Variants in LPP observed in about 807,000 individuals in gnomAD.
The protein encoded by LPP is LIM domain containing preferred translocation partner in lipoma, also known as lipoma-preferred partner.
In LPP, 38 loss-of-function variants were observed where a neutral mutation model predicts 60.4. That is an observed-to-expected ratio of 0.63 (90% CI 0.49 to 0.83). The LOEUF (loss-of-function observed/expected upper bound fraction) is 0.83, where lower values mean the gene tolerates loss of function less well. Ranked by LOEUF, LPP falls within the 40% of genes least tolerant of loss-of-function variation. LPP has a pLI of 0.00. For synonymous variants in LPP, 328 were observed against 290.8 expected (o/e 1.13, Z -1.30); for missense variants, 902 against 783.6 (o/e 1.15, Z -1.80).
chr3:188,292,222 G>A (rs1391318589), intron 2 of LPP, among the ~76,000 whole-genome samples: 2 of 152,210 alleles, frequency 1.3e-5, no homozygotes, highest in Middle Eastern at 3.2e-3. Context: ...GTGCAAACTT[G>A]CTATATGAAT....
intron 2 of LPP, among the ~76,000 whole-genome samples, chr3:188,328,718 G>A (rs76994916): frequency 6.6e-6 from 1 of 152,158 alleles, no homozygotes; most frequent in Non-Finnish European, 1.5e-5. Context: ...ATCGTAGTTT[G>A]ATCTTCAGCA....
chr3:188,550,577 C>CAAAAAAAAAAAAAAAAAAAA (rs67052080), intron 6 of LPP, among the ~76,000 whole-genome samples: 1 of 66,918 alleles, frequency 1.5e-5, no homozygotes, highest in Non-Finnish European at 2.6e-5. Flanking sequence ...GACTCCATCT[C>CAAAAAAAAAAAAAAAAAAAA]AAAAAAAAAA....
At chr3:188,202,403 C>T (rs573291190) in intron 1 of LPP, among the ~76,000 whole-genome samples, 4 of 152,314 alleles carry the variant, frequency 2.6e-5, no homozygotes, top group African/African-American at 9.6e-5. Flanking sequence ...AGCAGCAGTA[C>T]TTGCTGACAC....
chr3:188,636,772 T>A (rs1848896124), intron 7 of LPP, among the ~76,000 whole-genome samples: 1 of 151,838 alleles, frequency 6.6e-6, no homozygotes, highest in Non-Finnish European at 1.5e-5. Context: ...GCAGCCTAAC[T>A]GGGAGGCACC....
chr3:188,888,163 A>G lies in LPP; in HGVS notation c.*13684A>G. 1 of 219,242 alleles carries G rather than the reference A, an allele frequency of 4.6e-6. No individual in the cohort carries two copies. The highest frequency in any genetic ancestry group is 1.8e-4 in the South Asian group (1 of 5,410). 13.6% of individuals were successfully genotyped at this position (219,242 alleles called of 1,614,324 possible). A position where few individuals can be genotyped will look rare whatever the true frequency, so the allele number is the denominator to read the frequency against. ...TTTTGTTTGTTTTGTCTTTTAACCT[A>G]CACCTTTATCATTACTCTAACAGAT... On this transcript the variant is annotated 3_prime_UTR_variant, in exon 12 of 12. Transcript: ENST00000617246.
In LPP at chr3:188,339,220, A is replaced by G. The variant is rs141148651; in HGVS notation, c.-66-2443A>G. Among the ~76,000 whole-genome samples the G allele has an allele frequency of 3.2e-3, 488 of 152,320 alleles. 2 individuals are homozygous for G. Among genetic ancestry groups the G allele is most frequent in the African/African-American group, 0.011 (449 of 41,570 alleles). ...TAACTGGCTTCATTACCAAAAGGCT[A>G]GAGTGGGATTTGTCAGTTGTCCCAG... On this transcript the variant is annotated intron_variant, in intron 2 of 11. Transcript: ENST00000617246.
chr3:188,846,683 CAAAAAAA>C (rs34230552), intron 9 of LPP, among the ~76,000 whole-genome samples: 11 of 84,624 alleles, frequency 1.3e-4, no homozygotes, highest in African/African-American at 1.9e-4. Context: ...GATTCCATCT[CAAAAAAA>C]AAAAAAAAAA....
At chr3:188,707,102 G>A (rs1560094530) in intron 7 of LPP, among the ~76,000 whole-genome samples, 1 of 151,652 alleles carries the variant, frequency 6.6e-6, no homozygotes, top group Non-Finnish European at 1.5e-5. Flanking sequence ...TCTCTCAATT[G>A]ATATTTGATT....
Position 188,595,740 on chromosome 3 carries a change from C to G in LPP, c.430-13421C>G, listed in dbSNP as rs757535409. ...CATTCAAACTAAGACTGTTGTTGTT[C>G]TCATTATTATTGTTGTTTTTAAAGG... On this transcript the variant is annotated intron_variant, in intron 6 of 11. Coordinates refer to ENST00000617246, the MANE Select transcript of LPP (RefSeq NM_001375462.1). Among the ~76,000 whole-genome samples the G allele has an allele frequency of 3.0e-4, 46 of 152,076 alleles. 1 individual carries two copies. Among genetic ancestry groups the G allele is most frequent in the Admixed American group, 5.2e-4 (8 of 15,260 alleles).
intron 9 of LPP, among the ~76,000 whole-genome samples, chr3:188,854,301 A>G (rs986718780): frequency 3.9e-5 from 6 of 152,204 alleles, no homozygotes; most frequent in African/African-American, 1.4e-4. Flanking sequence ...TTTTATTTCT[A>G]GTGTCAGAAA....
intron 10 of LPP, among the ~76,000 whole-genome samples, chr3:188,867,722 G>T (rs1767039958): frequency 6.6e-6 from 1 of 152,198 alleles, no homozygotes; most frequent in East Asian, 1.9e-4. Flanking sequence ...GTTTCTGTAT[G>T]TGTTTGCTGG....
chr3:188,488,883 C>T lies in LPP; in HGVS notation c.306+4179C>T, dbSNP rs540311965. 5.3e-5 allele frequency among the ~76,000 whole-genome samples: 8 copies of T among 152,194 alleles called. No individual in the cohort carries two copies. The South Asian group carries it at 6.2e-4, about 12-fold the overall frequency. On this transcript the variant is annotated intron_variant, in intron 5 of 11. Coordinates refer to ENST00000617246, the MANE Select transcript of LPP (RefSeq NM_001375462.1). ...CAAACTCCTGACCTTGTGATCCACC[C>T]GCCTTGGCCTCCCAAAGTGCTGGGA...
At chr3:188,210,821 C>T (rs1042303467) in intron 1 of LPP, among the ~76,000 whole-genome samples, 4 of 142,080 alleles carry the variant, frequency 2.8e-5, no homozygotes, top group African/African-American at 7.6e-5. Flanking sequence ...CAGGAAGGGA[C>T]TCTGAGCTCC....
At chr3:188,252,180 T>C (rs1163949926) in intron 2 of LPP, among the ~76,000 whole-genome samples, 1 of 27,210 alleles carries the variant, frequency 3.7e-5, no homozygotes, top group Non-Finnish European at 7.1e-5. Context: ...CATATATATA[T>C]ATATATATAT....
chr3:188,233,224 G>A, intron 2 of LPP, among the ~76,000 whole-genome samples: 1 of 152,174 alleles, frequency 6.6e-6, no homozygotes, highest in African/African-American at 2.4e-5. Context: ...TGGAAATATA[G>A]TGGCTCTAGG....
chr3:188,443,663 C>T (rs968268859), intron 4 of LPP, among the ~76,000 whole-genome samples: 4 of 152,110 alleles, frequency 2.6e-5, no homozygotes, highest in Admixed American at 1.3e-4. Flanking sequence ...GCTGATGTTT[C>T]CTAATTAGCA....
chr3:188,250,780 T>G (rs9755804), intron 2 of LPP, among the ~76,000 whole-genome samples: 8,783 of 93,238 alleles, frequency 0.094, 486 homozygotes, highest in African/African-American at 0.19. Context: ...CTTTCTTTCT[T>G]TCTTTCTGTC....
intron 2 of LPP, among the ~76,000 whole-genome samples, chr3:188,285,162 G>T (rs928625147): frequency 5.9e-5 from 9 of 152,262 alleles, no homozygotes; most frequent in Admixed American, 5.9e-4. Flanking sequence ...TAAATTAGAA[G>T]ATAGTGATTT....
chr3:188,245,381 G>C (rs931459762), intron 2 of LPP, among the ~76,000 whole-genome samples: 1 of 152,184 alleles, frequency 6.6e-6, no homozygotes, highest in African/African-American at 2.4e-5. Context: ...AAAGTGCTGG[G>C]ATTACAGGCT....
Sources: allele counts gnomAD v4.1 joint callset (sites outside exome capture counted in the v4.1 genomes callset), GRCh38; gene constraint gnomAD v4.1.1; transcripts MANE v1.5; gene names NCBI Gene and HGNC (gene_info 2026-07-23, HGNC 2026-07-21).